The following TOP2A variants were observed in gnomAD, a reference collection of about 807,000 sequenced individuals.
TOP2A encodes the protein DNA topoisomerase 2-alpha.
A neutral mutation model predicts 187.2 loss-of-function variants in TOP2A; 68 were observed. The ratio of observed to expected loss-of-function variants is 0.36; its 90% CI spans 0.30 to 0.44. The LOEUF (loss-of-function observed/expected upper bound fraction) is 0.44, where lower values mean the gene tolerates loss of function less well. Ranked by LOEUF, TOP2A falls within the 20% of genes least tolerant of loss-of-function variation. The pLI is 1.00. For synonymous variants in TOP2A, 542 were observed against 593.2 expected (o/e 0.91, Z 1.25); for missense variants, 1,196 against 1,808.7 (o/e 0.66, Z 6.14).
chr17:40,412,969 T>A lies in TOP2A; in HGVS notation c.579A>T (p.Thr193=). Residue 193 remains threonine (T), a splice_region_variant and synonymous_variant, in exon 7 of 35, where the codon ACA becomes ACT. Coordinates refer to ENST00000423485, the MANE Select transcript of TOP2A (RefSeq NM_001067.4). ...CAGCTCTTCCCATATTATCCATCCA[T>A]GTCTATGGAAGTAAAGAATAGGAAA... ...SREYKKMFKQ[T]WMDNMGRAGE... 1.2e-6 allele frequency: 2 copies of A among 1,609,578 alleles called. No homozygotes were observed. The highest frequency in any genetic ancestry group is 1.7e-6 in the Non-Finnish European group (2 of 1,177,558).
intron 14 of TOP2A, 35 bp from the exon 15 acceptor site, chr17:40,406,724 C>T: frequency 6.3e-7 from 1 of 1,592,948 alleles, no homozygotes; most frequent in Non-Finnish European, 8.6e-7. Context: ...GCTTTGTACA[C>T]TGTGGGGTCC....
Position 40,404,844 on chromosome 17 carries a change from A to G in TOP2A, c.1993T>C (p.Leu665=). The G allele has an allele frequency of 6.2e-7, 1 of 1,602,424 alleles. No individual in the cohort carries two copies. The highest frequency in any genetic ancestry group is 2.2e-5 in the East Asian group (1 of 44,732). Residue 665 remains leucine, a synonymous_variant, in exon 17 of 35, where the codon TTA becomes CTA. Transcript: ENST00000423485. ...KKQIDDRKEW[L]TNFMEDRRQR... is the part of the protein sequence containing the mutation. ...CTTCTATCCTCCATGAAATTAGTTA[A>G]CCATTCCTTTCGATCATCTATCTGT...
Position 40,416,854 on chromosome 17 carries a change from A to G in TOP2A, c.63T>C (p.Asn21=). Residue 21 remains asparagine, a synonymous_variant, in exon 2 of 35, where the codon AAT becomes AAC. Coordinates refer to ENST00000423485, the MANE Select transcript of TOP2A (RefSeq NM_001067.4). ...ENMQVNKIKK[N]EDAKKRLSVE... ...CAGACAGTCTTTTCTTAGCATCTTC[A>G]TTTTTCTTTATTTTGTTGACTTGCA... 1 of 1,606,364 alleles carries G rather than the reference A, an allele frequency of 6.2e-7. No individual in the cohort carries two copies. The highest frequency in any genetic ancestry group is 8.5e-7 in the Non-Finnish European group (1 of 1,177,504).
intron 19 of TOP2A, among the ~76,000 whole-genome samples, chr17:40,403,619 G>A (rs2035206904): frequency 6.6e-6 from 1 of 152,178 alleles, no homozygotes; most frequent in South Asian, 2.1e-4. Context: ...AATGCAAAAA[G>A]TAATCACAAA....
rs1250732745 is a variant in TOP2A at position 40,411,263 on chromosome 17, T to C, written c.1066-17A>G. On this transcript the variant is annotated splice_polypyrimidine_tract_variant and intron_variant, in intron 9 of 34. Coordinates refer to ENST00000423485, the MANE Select transcript of TOP2A (RefSeq NM_001067.4). The surrounding 1 kb of genome is among the most constrained non-coding windows in gnomAD (Gnocchi z 4.4). ...ATTTTTCACCTGCAATAGAAGTTGA[T>C]ATTAAGCCACTAAAAATGTACTCAT... 3.1e-6 allele frequency: 5 copies of C among 1,612,164 alleles called. No individual in the cohort carries two copies. Among genetic ancestry groups the C allele is most frequent in the African/African-American group, 1.3e-5 (1 of 74,766 alleles).
At chr17:40,404,009 G>GC in intron 19 of TOP2A, 143 bp downstream of exon 19, 1 of 1,031,724 alleles carries the variant, frequency 9.7e-7, no homozygotes, top group Non-Finnish European at 1.4e-6. Context: ...CAAAGGGCAA[G>GC]CAGTTTTATT....
Position 40,404,135 on chromosome 17 carries a change from A to G in TOP2A, c.2283+17T>C, listed in dbSNP as rs2143657524. On this transcript the variant is annotated intron_variant, in intron 19 of 34. Transcript: ENST00000423485. ...TTCTGATATAATGCTTTCTGGAAAC[A>G]TGGATTGTGTGTTTACCTCACCATG... 2 of 1,610,398 alleles carry G rather than the reference A, an allele frequency of 1.2e-6. No individual in the cohort carries two copies. The highest frequency in any genetic ancestry group is 4.5e-5 in the East Asian group (2 of 44,850).
chr17:40,400,089 A>T, intron 23 of TOP2A, 22 bp from the exon 24 acceptor site: 3 of 1,600,096 alleles, frequency 1.9e-6, no homozygotes, highest in Non-Finnish European at 2.6e-6. Context: ...AAACAAGATT[A>T]GAGCCAAGAA....
At chr17:40,401,478 G>A (rs998844094) in intron 20 of TOP2A, among the ~76,000 whole-genome samples, 1 of 152,162 alleles carries the variant, frequency 6.6e-6, no homozygotes, top group African/African-American at 2.4e-5. Context: ...GGGAGGCTGA[G>A]GGAGGCAGAT....
intron 19 of TOP2A, 142 bp from the exon 20 acceptor site, chr17:40,403,196 T>A: frequency 1.3e-6 from 1 of 768,146 alleles, no homozygotes; most frequent in Middle Eastern, 3.9e-4. Context: ...GCAGAAATAG[T>A]ACTTGAACCT....
intron 16 of TOP2A, 105 bp downstream of exon 16, chr17:40,406,279 C>T (rs572561432): frequency 3.0e-6 from 2 of 677,682 alleles, no homozygotes; most frequent in Admixed American, 3.2e-5. Flanking sequence ...ATAAAACATT[C>T]TTTTTTTTTT....
intron 12 of TOP2A, 58 bp downstream of exon 12, chr17:40,407,909 G>A: frequency 6.7e-7 from 1 of 1,494,476 alleles, no homozygotes; most frequent in Middle Eastern, 1.8e-4. Flanking sequence ...TTAAATATAA[G>A]CATAAAGTCT....
rs761604860 is a variant in TOP2A at position 40,416,839 on chromosome 17, T to G, written c.78A>C (p.Lys26Asn). The G allele has an allele frequency of 6.2e-7, 1 of 1,611,218 alleles. No homozygotes were observed. Among genetic ancestry groups the G allele is most frequent in the Non-Finnish European group, 8.5e-7 (1 of 1,178,962 alleles). The change falls in exon 2 of 35, where the codon AAA (lysine) becomes AAC (asparagine). Residue 26 changes from lysine to asparagine, a missense_variant. Lys to Asn is a moderately conservative substitution (Grantham distance 94, BLOSUM62 0). This residue lies in a region of TOP2A where 97 missense variants were observed against 171.0 expected (regional missense o/e 0.57). Coordinates refer to ENST00000423485, the MANE Select transcript of TOP2A (RefSeq NM_001067.4). Reference protein sequence around the residue: ...NKIKKNEDAKKRLSVERIYQK... With the variant: ...NKIKKNEDAKNRLSVERIYQK... ...GATAGATTCTTTCAACAGACAGTCT[T>G]TTCTTAGCATCTTCATTTTTCTTTA... is the stretch of plus-strand genomic sequence containing the variant.
At chr17:40,391,798 A>T (rs2035024879) in intron 32 of TOP2A, 158 bp from the exon 33 acceptor site, 4 of 945,342 alleles carry the variant, frequency 4.2e-6, no homozygotes, top group Non-Finnish European at 6.0e-6. Flanking sequence ...TAATTTCTGA[A>T]TTTTTTATCA....
Position 40,392,206 on chromosome 17 carries a change from TAA to T in TOP2A, c.4088+10_4088+11del, listed in dbSNP as rs1567780890. ...CAATCATGACAAAACCCATATTAGA[TAA>T]GATACTTGCTTTGGGGAAGTTTTGG... On this transcript the variant is annotated intron_variant, in intron 31 of 34. Transcript: ENST00000423485. 6.2e-7 allele frequency: 1 copy of T among 1,613,128 alleles called. No homozygotes were observed. Among genetic ancestry groups the T allele is most frequent in the Non-Finnish European group, 8.5e-7 (1 of 1,179,590 alleles).
intron 20 of TOP2A, among the ~76,000 whole-genome samples, 176 bp downstream of exon 20, chr17:40,402,730 T>G (rs2035196690): frequency 6.6e-6 from 1 of 152,248 alleles, no homozygotes; most frequent in Non-Finnish European, 1.5e-5. Context: ...ATAATTGACA[T>G]GTTGCACTGG....
rs139400493 is a variant in TOP2A, at chr17:40,415,300, C to T, written c.332+705G>A. Among the ~76,000 whole-genome samples, 695 of 152,198 alleles carry T rather than the reference C, an allele frequency of 4.6e-3. 3 individuals are homozygous for T. The highest frequency in any genetic ancestry group is 0.017 in the Middle Eastern group (5 of 294). On this transcript the variant is annotated intron_variant, in intron 4 of 34. Coordinates refer to ENST00000423485, the MANE Select transcript of TOP2A (RefSeq NM_001067.4). ...TGATCTCCTGACCTTGTGATCCGCC[C>T]GCATCGGCCTCCCAAAGTGCTGGGA...
chr17:40,400,397 GTTC>G lies in TOP2A; in HGVS notation c.2809_2811del (p.Glu937del). Reference sequence around the variant, plus strand: ...CCATTCAACATGGGTTCTAGAACTTGTTCTTTGTATGTCTAAAGAAAGAAATAA... The same window carrying G: ...CCATTCAACATGGGTTCTAGAACTTGTTTGTATGTCTAAAGAAAGAAATAA... On this transcript the variant is annotated inframe_deletion, in exon 23 of 35. Coordinates refer to ENST00000423485, the MANE Select transcript of TOP2A (RefSeq NM_001067.4). The G allele has an allele frequency of 6.2e-7, 1 of 1,613,286 alleles. No individual in the cohort carries two copies. Among genetic ancestry groups the G allele is most frequent in the Non-Finnish European group, 8.5e-7 (1 of 1,179,748 alleles).
At chr17:40,391,942 A>T in intron 32 of TOP2A, 126 bp downstream of exon 32, 1 of 1,057,114 alleles carries the variant, frequency 9.5e-7, no homozygotes, top group Non-Finnish European at 1.4e-6. Context: ...TATCAACATA[A>T]TGTTAATAAG....
Sources: gnomAD v4.1 joint callset for allele counts (sites outside exome capture counted in the v4.1 genomes callset) on GRCh38, gnomAD v4.1.1 for gene constraint, gnomAD v4.1.1 regional missense constraint, Gnocchi (gnomAD v3.1) non-coding constraint, MANE v1.5 for transcripts, NCBI Gene and HGNC (gene_info 2026-07-23, HGNC 2026-07-21) for gene names.